Variants in PRDM16 observed in about 807,000 individuals in gnomAD.
PRDM16 encodes the protein PR/SET domain 16.
A neutral mutation model predicts 110.6 loss-of-function variants in PRDM16; 23 were observed. That is an observed-to-expected ratio of 0.21 (90% CI 0.15 to 0.29). The LOEUF is 0.29. Ranked by LOEUF, PRDM16 falls within the 10% of genes least tolerant of loss-of-function variation. The pLI is 1.00. For missense variants in PRDM16, 1,615 were observed against 1,794.3 expected (o/e 0.90, Z 1.81); for synonymous variants, 799 against 781.8 (o/e 1.02, Z -0.37).
chr1:3,236,254 G>A (rs1270305162), intron 2 of PRDM16, among the ~76,000 whole-genome samples: 1 of 152,036 alleles, frequency 6.6e-6, no homozygotes, highest in African/African-American at 2.4e-5. Flanking sequence ...ACAGCCCCTG[G>A]GGCTGGGAAG....
intron 3 of PRDM16, among the ~76,000 whole-genome samples, chr1:3,327,853 C>A (rs1641952100): frequency 6.6e-6 from 1 of 152,222 alleles, no homozygotes; most frequent in South Asian, 2.1e-4. Flanking sequence ...GCTGGCAGTG[C>A]CCTGGGAAGC....
intron 3 of PRDM16, among the ~76,000 whole-genome samples, chr1:3,321,776 C>T (rs1307415934): frequency 2.7e-5 from 4 of 147,424 alleles, no homozygotes; most frequent in Admixed American, 6.8e-5. Flanking sequence ...TATGTGTGCA[C>T]GTGTGTGCTG....
At position 3,312,913 on chromosome 1, in the gene PRDM16, C is replaced by T. The variant is rs79695255; in HGVS notation, c.438+68776C>T. Among the ~76,000 whole-genome samples the T allele has an allele frequency of 7.1e-4, 108 of 152,296 alleles. 1 individual carries two copies. In the East Asian group the frequency reaches 0.019, roughly 27 times the overall value. On this transcript the variant is annotated intron_variant, in intron 3 of 16. Transcript: ENST00000270722. ...GTGGACAGAGGTCCACACACGGATA[C>T]GTGTGCACACACGGGTGCCTTGGGC...
intron 1 of PRDM16, among the ~76,000 whole-genome samples, chr1:3,155,509 A>C (rs1643846294): frequency 6.6e-6 from 1 of 152,166 alleles, no homozygotes. Context: ...TTCCCGAGGC[A>C]CTTGCTCCTG....
rs984432451 is a variant in PRDM16 at position 3,247,000 on chromosome 1, G to A, written c.438+2863G>A. Among the ~76,000 whole-genome samples, 5 of 152,148 alleles carry A rather than the reference G, an allele frequency of 3.3e-5. No homozygotes were observed. Among genetic ancestry groups the A allele is most frequent in the African/African-American group, 1.2e-4 (5 of 41,424 alleles). Reference sequence around the variant, plus strand: ...TAGGTGCGATGTGTGGATTGCTGCCGTAACTGTGCGCACCGCGGTGCTGTT... The same window carrying A: ...TAGGTGCGATGTGTGGATTGCTGCCATAACTGTGCGCACCGCGGTGCTGTT... On this transcript the variant is annotated intron_variant, in intron 3 of 16. Transcript: ENST00000270722. This position sits in a 1 kb window ranked among gnomAD's most constrained non-coding sequence, Gnocchi z 5.2.
chr1:3,258,744 A>G (rs1640100172), intron 3 of PRDM16, among the ~76,000 whole-genome samples: 1 of 152,226 alleles, frequency 6.6e-6, no homozygotes, highest in South Asian at 2.1e-4. Flanking sequence ...TGGAGAAAAA[A>G]GCATCCACTG....
intron 3 of PRDM16, among the ~76,000 whole-genome samples, chr1:3,294,612 A>G (rs1641045983): frequency 6.6e-6 from 1 of 152,050 alleles, no homozygotes; most frequent in South Asian, 2.1e-4. Flanking sequence ...CCCGCGTTAG[A>G]ACAGGATCCC....
chr1:3,360,206 C>T (rs1041153522), intron 3 of PRDM16, among the ~76,000 whole-genome samples: 4 of 152,158 alleles, frequency 2.6e-5, no homozygotes, highest in African/African-American at 4.8e-5. Context: ...TGTGGCAGCT[C>T]GAATGCAGCT....
chr1:3,178,233 G>A (rs896409069), intron 1 of PRDM16, among the ~76,000 whole-genome samples: 1 of 152,212 alleles, frequency 6.6e-6, no homozygotes, highest in South Asian at 2.1e-4. Context: ...AGCAGTTGCA[G>A]GGGCAGCTTT....
intron 1 of PRDM16, among the ~76,000 whole-genome samples, chr1:3,091,423 T>C (rs997006788): frequency 1.3e-5 from 2 of 151,954 alleles, no homozygotes; most frequent in African/African-American, 4.8e-5. Context: ...AAGGCCCAGG[T>C]TGGCAACGCT....
intron 2 of PRDM16, among the ~76,000 whole-genome samples, chr1:3,193,208 G>T (rs1638361225): frequency 6.6e-6 from 1 of 152,242 alleles, no homozygotes; most frequent in South Asian, 2.1e-4. Flanking sequence ...AGTCACCAAT[G>T]TTCCCTGACG....
At chr1:3,427,942 G>A (rs537665924) in intron 14 of PRDM16, among the ~76,000 whole-genome samples, 2 of 152,270 alleles carry the variant, frequency 1.3e-5, no homozygotes, top group Admixed American at 6.5e-5. Context: ...CTGCAGCTGC[G>A]TGTCAGACCC....
chr1:3,315,675 T>C (rs1452406267), intron 3 of PRDM16, among the ~76,000 whole-genome samples: 1 of 152,062 alleles, frequency 6.6e-6, no homozygotes, highest in Admixed American at 6.5e-5. Context: ...TTACTTTACA[T>C]GAAAACTGAC....
chr1:3,213,566 A>T lies in PRDM16; in HGVS notation c.387+27092A>T, dbSNP rs979690400. Among the ~76,000 whole-genome samples, 2 of 152,098 alleles carry T rather than the reference A, an allele frequency of 1.3e-5. No individual in the cohort carries two copies. Among genetic ancestry groups the T allele is most frequent in the Non-Finnish European group, 2.9e-5 (2 of 68,016 alleles). ...TTGTCGCCTCCCTGGGGGCACAGAC[A>T]CCTGGAACTCACTCTTTCTCCGAGG... On this transcript the variant is annotated intron_variant, in intron 2 of 16. Transcript: ENST00000270722. This position sits in a 1 kb window ranked among gnomAD's most constrained non-coding sequence, Gnocchi z 5.3.
At chr1:3,159,968 TA>T (rs1030747449) in intron 1 of PRDM16, among the ~76,000 whole-genome samples, 4 of 152,250 alleles carry the variant, frequency 2.6e-5, no homozygotes, top group Non-Finnish European at 5.9e-5. Flanking sequence ...ATACTTACAC[TA>T]AAAAAATCAT....
intron 10 of PRDM16, among the ~76,000 whole-genome samples, chr1:3,415,436 C>T (rs942054392): frequency 3.3e-5 from 5 of 152,248 alleles, no homozygotes; most frequent in South Asian, 2.1e-4. Flanking sequence ...CCTTCCCCGC[C>T]GTGGACGGGC....
chr1:3,212,402 G>GA lies in PRDM16; in HGVS notation c.387+25928_387+25929insA, dbSNP rs532082216. Reference sequence around the variant, plus strand: ...GTGGGGGCAGGGCTGCCTGAGCGGGGGCACCTTTGAATTCTGGGAGTCCAG... The same window carrying GA: ...GTGGGGGCAGGGCTGCCTGAGCGGGGAGCACCTTTGAATTCTGGGAGTCCAG... On this transcript the variant is annotated intron_variant, in intron 2 of 16. Coordinates refer to ENST00000270722, the MANE Select transcript of PRDM16 (RefSeq NM_022114.4). Among the ~76,000 whole-genome samples, 36 of 152,260 alleles carry GA rather than the reference G, an allele frequency of 2.4e-4. 1 individual carries two copies. In the South Asian group the frequency reaches 7.0e-3, roughly 30 times the overall value.
intron 3 of PRDM16, among the ~76,000 whole-genome samples, chr1:3,293,944 G>A (rs959583385): frequency 6.6e-5 from 10 of 152,172 alleles, no homozygotes; most frequent in Non-Finnish European, 1.0e-4. Flanking sequence ...GAGTGCGTGC[G>A]TGTTGTGTGT....
At chr1:3,376,731 C>A (rs1421047500) in intron 3 of PRDM16, among the ~76,000 whole-genome samples, 1 of 151,850 alleles carries the variant, frequency 6.6e-6, no homozygotes, top group Non-Finnish European at 1.5e-5. Context: ...CCTCACTCTT[C>A]CCCCACCCCA....
Sources: gnomAD v4.1 joint callset for allele counts (sites outside exome capture counted in the v4.1 genomes callset) on GRCh38, gnomAD v4.1.1 for gene constraint, Gnocchi (gnomAD v3.1) non-coding constraint, MANE v1.5 for transcripts, NCBI Gene and HGNC (gene_info 2026-07-23, HGNC 2026-07-21) for gene names.